PDE4D: variants seen among roughly 807,000 people sequenced by gnomAD.
PDE4D encodes the protein phosphodiesterase 4D.
A neutral mutation model predicts 87.4 loss-of-function variants in PDE4D; 24 were observed. The observed-to-expected ratio is 0.27, with a 90% CI of 0.20 to 0.39. The LOEUF (loss-of-function observed/expected upper bound fraction) is 0.39. Ranked by LOEUF, PDE4D falls within the 10% of genes least tolerant of loss-of-function variation. The probability of loss-of-function intolerance (pLI) is 1.00; values close to 1 mark genes in which losing one functional copy is unlikely to be tolerated. For missense variants in PDE4D, 714 were observed against 1,041.0 expected (o/e 0.69, Z 4.32); for synonymous variants, 384 against 383.2 (o/e 1.00, Z -0.02).
intron 3 of PDE4D, among the ~76,000 whole-genome samples, chr5:59,966,068 A>G (rs552016708): frequency 4.8e-4 from 73 of 152,278 alleles, no homozygotes; most frequent in Non-Finnish European, 9.1e-4. Flanking sequence ...AGCCCTCACA[A>G]GTGAGGATCT....
chr5:59,193,021 TAAAG>T (rs1744680075), intron 3 of PDE4D, among the ~76,000 whole-genome samples: 1 of 152,198 alleles, frequency 6.6e-6, no homozygotes, highest in Non-Finnish European at 1.5e-5. Flanking sequence ...GTCATGTGGT[TAAAG>T]TATTTTCATG....
Position 58,969,856 on chromosome 5 carries a change from C to T in PDE4D, c.*4808G>A, listed in dbSNP as rs1048026347. 10 of 152,102 alleles carry T rather than the reference C, an allele frequency of 6.6e-5. No individual in the cohort carries two copies. Among genetic ancestry groups the T allele is most frequent in the African/African-American group, 2.2e-4 (9 of 41,408 alleles). The allele number at this position is 152,102 out of a possible 1,614,324, so 9.4% of individuals were successfully genotyped here. A position where few individuals can be genotyped will look rare whatever the true frequency, so the allele number is the denominator to read the frequency against. ...CCCCTTTCAAAGCTTGCTTAGAAAACACCATGCTTAATCTTATAGGCCATC... is the reference window on the plus strand; with the variant it reads ...CCCCTTTCAAAGCTTGCTTAGAAAATACCATGCTTAATCTTATAGGCCATC... On this transcript the variant is annotated 3_prime_UTR_variant, in exon 15 of 15. Transcript: ENST00000340635.
chr5:59,708,292 AC>A (rs1160619735), intron 1 of PDE4D, among the ~76,000 whole-genome samples: 1 of 151,994 alleles, frequency 6.6e-6, no homozygotes, highest in Non-Finnish European at 1.5e-5. Flanking sequence ...TCTCAAACAA[AC>A]CCCACAGCTA....
intron 3 of PDE4D, among the ~76,000 whole-genome samples, chr5:59,985,960 C>A (rs992933784): frequency 2.6e-5 from 4 of 152,190 alleles, no homozygotes; most frequent in African/African-American, 9.7e-5. Flanking sequence ...GTCAATTGTA[C>A]TTGATTCTTA....
At chr5:60,242,408 C>G (rs553204328) in intron 1 of PDE4D, among the ~76,000 whole-genome samples, 1 of 152,190 alleles carries the variant, frequency 6.6e-6, no homozygotes, top group African/African-American at 2.4e-5. Context: ...CGTCATAGGA[C>G]AGATCTCCCA....
At chr5:59,136,582 TAAGTCCATACAAAAGGGCCCCAAG>T (rs1413519551) in intron 5 of PDE4D, among the ~76,000 whole-genome samples, 1 of 152,180 alleles carries the variant, frequency 6.6e-6, no homozygotes, top group Non-Finnish European at 1.5e-5. Flanking sequence ...ATGATCTGTA[TAAGTCCATACAAAAGGGCCCCAAG>T]ATACACTATT....
chr5:60,218,914 T>C (rs1465570019), intron 1 of PDE4D, among the ~76,000 whole-genome samples: 1 of 152,168 alleles, frequency 6.6e-6, no homozygotes, highest in Non-Finnish European at 1.5e-5. Flanking sequence ...TTGAGAAGTA[T>C]TGTGTTATTA....
At chr5:60,017,214 G>T (rs939039666) in intron 2 of PDE4D, among the ~76,000 whole-genome samples, 1 of 152,160 alleles carries the variant, frequency 6.6e-6, no homozygotes, top group African/African-American at 2.4e-5. Context: ...AGTATATCAT[G>T]CTGCAGACAG....
intron 1 of PDE4D, among the ~76,000 whole-genome samples, chr5:59,610,330 C>T (rs916314488): frequency 3.9e-5 from 6 of 152,200 alleles, no homozygotes; most frequent in African/African-American, 1.4e-4. Flanking sequence ...TAATTTATAT[C>T]TACCAGCTTG....
intron 3 of PDE4D, among the ~76,000 whole-genome samples, chr5:59,899,912 T>C (rs1338868590): frequency 6.6e-6 from 1 of 152,138 alleles, no homozygotes; most frequent in Non-Finnish European, 1.5e-5. Context: ...TGCATTCATA[T>C]AGCTACAGAT....
rs140425505 is a variant in PDE4D at position 59,343,477 on chromosome 5, T to C, written c.456-127509A>G. On this transcript the variant is annotated intron_variant, in intron 1 of 14. Coordinates refer to ENST00000340635, the MANE Select transcript of PDE4D (RefSeq NM_001104631.2). ...CAGAAGAACAATGTTAGCAAAAGGG[T>C]CACTTTTGAAAGCTGACCAACCCCT... 7.8e-3 allele frequency among the ~76,000 whole-genome samples: 1,195 copies of C among 152,260 alleles called. 9 individuals are homozygous for C. The highest frequency in any genetic ancestry group is 0.017 in the Middle Eastern group (5 of 294).
chr5:60,202,514 T>G (rs1281926687), intron 1 of PDE4D, among the ~76,000 whole-genome samples: 2 of 152,010 alleles, frequency 1.3e-5, no homozygotes, highest in East Asian at 3.9e-4. Context: ...ATCAAAAAAT[T>G]TTAATATACA....
intron 2 of PDE4D, among the ~76,000 whole-genome samples, chr5:60,170,948 T>A (rs1202359451): frequency 2.6e-5 from 4 of 152,024 alleles, no homozygotes; most frequent in Non-Finnish European, 4.4e-5. Flanking sequence ...AATCTAACCA[T>A]TGAAATATTT....
intron 1 of PDE4D, among the ~76,000 whole-genome samples, chr5:60,457,730 C>T (rs1561278479): frequency 6.6e-6 from 1 of 152,114 alleles, no homozygotes; most frequent in Non-Finnish European, 1.5e-5. Flanking sequence ...TGCTTAGTAG[C>T]TGTGAGGAAA....
rs139890750 is a variant in PDE4D, at chr5:59,830,524, A to C, written c.455+62644T>G. 3.4e-4 allele frequency among the ~76,000 whole-genome samples: 51 copies of C among 152,214 alleles called. 2 individuals carry two copies. The East Asian group carries it at 9.3e-3, about 28-fold the overall frequency. The stretch of plus-strand genomic sequence containing the variant: ...CATTGTAGTCGGAGACATTAAGGGA[A>C]GATTAACAGGTAAAGATTACTTTCA... On this transcript the variant is annotated intron_variant, in intron 1 of 14. Transcript: ENST00000340635.
At chr5:60,010,386 T>C (rs978329551) in intron 2 of PDE4D, among the ~76,000 whole-genome samples, 2 of 152,168 alleles carry the variant, frequency 1.3e-5, no homozygotes, top group African/African-American at 4.8e-5. Flanking sequence ...AATACATTCA[T>C]ACAAAATTGA....
intron 1 of PDE4D, among the ~76,000 whole-genome samples, chr5:59,530,124 T>A (rs1813929735): frequency 6.6e-6 from 1 of 152,194 alleles, no homozygotes; most frequent in Non-Finnish European, 1.5e-5. Context: ...TAAGGCGTAT[T>A]TCCCATGAAG....
intron 3 of PDE4D, among the ~76,000 whole-genome samples, chr5:59,930,362 T>A (rs1755781704): frequency 6.6e-6 from 1 of 151,730 alleles, no homozygotes; most frequent in African/African-American, 2.4e-5. Flanking sequence ...GTGAAGAGAA[T>A]CAGAGAGAGA....
chr5:60,085,028 T>G (rs1774385391), intron 2 of PDE4D, among the ~76,000 whole-genome samples: 2 of 152,224 alleles, frequency 1.3e-5, no homozygotes, highest in Non-Finnish European at 2.9e-5. Context: ...TTTGCCCATT[T>G]TATTTTTCCT....
Sources: allele counts gnomAD v4.1 joint callset (sites outside exome capture counted in the v4.1 genomes callset), GRCh38; gene constraint gnomAD v4.1.1; transcripts MANE v1.5; gene names NCBI Gene and HGNC (gene_info 2026-07-23, HGNC 2026-07-21).